RSRC1: variants seen among roughly 807,000 people sequenced by gnomAD.
The protein encoded by RSRC1 is arginine and serine rich coiled-coil 1, also known as serine/Arginine-related protein 53.
A neutral mutation model predicts 49.1 loss-of-function variants in RSRC1; 39 were observed. The observed-to-expected ratio is 0.79, with a 90% CI of 0.61 to 1.04. RSRC1 has a LOEUF of 1.04. Among genes scored for constraint, RSRC1 ranks in the 50% least tolerant of loss-of-function variants. The pLI, the probability that RSRC1 is intolerant of heterozygous loss-of-function variation, is 0.00. For synonymous variants in RSRC1, 143 were observed against 130.8 expected, an observed-to-expected ratio of 1.09 and a Z score of -0.63; for missense variants, 388 against 402.4, an observed-to-expected ratio of 0.96 and a Z score of 0.31.
At chr3:158,445,617 A>G (rs981265770) in intron 6 of RSRC1, among the ~76,000 whole-genome samples, 2 of 152,118 alleles carry the variant, frequency 1.3e-5, no homozygotes, top group Non-Finnish European at 2.9e-5. Flanking sequence ...ACAAACCTGC[A>G]TGTTGTGCAC....
chr3:158,149,586 G>T (rs538993769), intron 3 of RSRC1, among the ~76,000 whole-genome samples: 9 of 152,100 alleles, frequency 5.9e-5, no homozygotes, highest in Non-Finnish European at 1.0e-4. Context: ...GTATTTGAGG[G>T]TAAAATATAT....
intron 6 of RSRC1, among the ~76,000 whole-genome samples, chr3:158,453,733 G>T (rs922410356): frequency 1.3e-5 from 2 of 151,810 alleles, no homozygotes; most frequent in African/African-American, 2.4e-5. Context: ...TTAATTCCCC[G>T]CAGAAAATTA....
Position 158,537,211 on chromosome 3 carries a change from C to T in RSRC1, c.759+13C>T, listed in dbSNP as rs1393839908. 4.0e-6 allele frequency: 6 copies of T among 1,498,258 alleles called. No individual in the cohort carries two copies. The highest frequency in any genetic ancestry group is 5.5e-6 in the Non-Finnish European group (6 of 1,100,700). 92.8% of individuals were successfully genotyped at this position (1,498,258 alleles called of 1,614,324 possible). ...AGAAGTCAAAAAGGTAAGTTTTTATCCACCCATTATGAGTAAACCTTTGGA... is the reference window on the plus strand; with the variant it reads ...AGAAGTCAAAAAGGTAAGTTTTTATTCACCCATTATGAGTAAACCTTTGGA... On this transcript the variant is annotated intron_variant, in intron 8 of 9. Coordinates refer to ENST00000611884, the MANE Select transcript of RSRC1 (RefSeq NM_001271838.2).
intron 7 of RSRC1, among the ~76,000 whole-genome samples, chr3:158,514,937 A>T (rs1740419075): frequency 6.6e-6 from 1 of 152,138 alleles, no homozygotes; most frequent in Admixed American, 6.5e-5. Flanking sequence ...GTAGGATTGC[A>T]ACCCCTACCT....
At chr3:158,275,883 G>A in intron 4 of RSRC1, 2 of 639,910 alleles carry the variant, frequency 3.1e-6, no homozygotes, top group South Asian at 1.6e-5. Flanking sequence ...ATTGTGTGGT[G>A]GAACTTATGG....
intron 7 of RSRC1, among the ~76,000 whole-genome samples, chr3:158,512,591 G>A (rs958682550): frequency 4.6e-5 from 7 of 151,960 alleles, no homozygotes; most frequent in African/African-American, 1.4e-4. Flanking sequence ...TTGACTTGGC[G>A]ATGCGGGCTC....
intron 7 of RSRC1, among the ~76,000 whole-genome samples, chr3:158,529,774 G>T (rs1254921210): frequency 2.0e-5 from 3 of 151,910 alleles, no homozygotes; most frequent in East Asian, 1.9e-4. Context: ...TTAAAACATG[G>T]TTTCTACCGC....
intron 7 of RSRC1, among the ~76,000 whole-genome samples, chr3:158,480,240 A>G (rs1428485369): frequency 6.6e-6 from 1 of 152,082 alleles, no homozygotes; most frequent in Non-Finnish European, 1.5e-5. Flanking sequence ...AGCAATTATT[A>G]TGGAAGAATA....
At chr3:158,413,716 G>A (rs544312937) in intron 6 of RSRC1, among the ~76,000 whole-genome samples, 2 of 152,068 alleles carry the variant, frequency 1.3e-5, no homozygotes, top group East Asian at 3.9e-4. Flanking sequence ...CATTTATGTG[G>A]CCAAAAAACA....
intron 4 of RSRC1, among the ~76,000 whole-genome samples, chr3:158,294,977 G>A (rs1727155259): frequency 6.6e-6 from 1 of 152,144 alleles, no homozygotes; most frequent in Non-Finnish European, 1.5e-5. Flanking sequence ...TGTATTGGGT[G>A]CTGGAATATA....
At chr3:158,518,219 T>C (rs1023554484) in intron 7 of RSRC1, among the ~76,000 whole-genome samples, 1 of 146,544 alleles carries the variant, frequency 6.8e-6, no homozygotes, top group African/African-American at 2.5e-5. Flanking sequence ...CTGTGACCTT[T>C]TTTGGTACTG....
chr3:158,234,323 A>G (rs1465304329), intron 4 of RSRC1, among the ~76,000 whole-genome samples: 1 of 152,188 alleles, frequency 6.6e-6, no homozygotes, highest in African/African-American at 2.4e-5. Flanking sequence ...GGTTAAACTG[A>G]TAATCAGAAA....
intron 7 of RSRC1, among the ~76,000 whole-genome samples, chr3:158,527,042 C>G (rs1409437784): frequency 6.7e-6 from 1 of 149,722 alleles, no homozygotes; most frequent in Admixed American, 6.7e-5. Context: ...CAGTCATCAC[C>G]GTATCTATAT....
In RSRC1 at chr3:158,298,068, A is replaced by T; in HGVS notation, c.524A>T (p.Glu175Val). ...GESGNIKAGL[E>V]HLPPAEQAKA... ...TCTGGAAACATCAAAGCTGGATTAG[A>T]ACATCTGGTAAGTTCTCATTTTCTC... is the stretch of plus-strand genomic sequence containing the variant. The change falls in exon 5 of 10, where the codon GAA becomes GTA. Residue 175 changes from glutamate to valine, a missense_variant. Physicochemically the swap from Glu to Val is moderately radical, Grantham distance 121. Transcript: ENST00000611884. 1 of 1,604,228 alleles carries T rather than the reference A, an allele frequency of 6.2e-7. No homozygotes were observed. The highest frequency in any genetic ancestry group is 8.5e-7 in the Non-Finnish European group (1 of 1,171,778).
Position 158,169,446 on chromosome 3 carries a change from C to T in RSRC1, c.321-33626C>T, listed in dbSNP as rs913787007. On this transcript the variant is annotated intron_variant, in intron 3 of 9. Coordinates refer to ENST00000611884, the MANE Select transcript of RSRC1 (RefSeq NM_001271838.2). ...GGAAGTGTTTGCTTCTGGCTTCTGG[C>T]CAGAAGCTATATCTCCTAGCCTGTT... Among the ~76,000 whole-genome samples the T allele has an allele frequency of 4.6e-5, 7 of 152,090 alleles. No individual in the cohort carries two copies. The South Asian group carries it at 1.5e-3, about 32-fold the overall frequency.
chr3:158,364,248 G>A (rs1345223788), intron 6 of RSRC1, among the ~76,000 whole-genome samples: 1 of 152,092 alleles, frequency 6.6e-6, no homozygotes, highest in Non-Finnish European at 1.5e-5. Context: ...GCTTTACCCT[G>A]ATCTAAAGCT....
At chr3:158,365,957 A>G (rs528365518) in intron 6 of RSRC1, among the ~76,000 whole-genome samples, 1 of 152,262 alleles carries the variant, frequency 6.6e-6, no homozygotes, top group African/African-American at 2.4e-5. Flanking sequence ...TCTTTTGAGA[A>G]GTGTCTGTTC....
chr3:158,152,229 C>A (rs2108213209), intron 3 of RSRC1, among the ~76,000 whole-genome samples: 1 of 152,132 alleles, frequency 6.6e-6, no homozygotes, highest in East Asian at 1.9e-4. Context: ...TTTAGGGAAT[C>A]ATAATATTAA....
rs77998016 is a variant in RSRC1, at chr3:158,428,385, T to C, written c.584-32550T>C. ...AGGGCACTACTCTTAGGAAACAGAATGCTGGTGAAGAGCAGAACCGTTCTG... is the reference window on the plus strand; with the variant it reads ...AGGGCACTACTCTTAGGAAACAGAACGCTGGTGAAGAGCAGAACCGTTCTG... On this transcript the variant is annotated intron_variant, in intron 6 of 9. Coordinates refer to ENST00000611884, the MANE Select transcript of RSRC1 (RefSeq NM_001271838.2). Among the ~76,000 whole-genome samples, 4 of 152,004 alleles carry C rather than the reference T, an allele frequency of 2.6e-5. No individual in the cohort carries two copies. In the East Asian group the frequency reaches 7.8e-4, roughly 30 times the overall value.
Sources: allele counts gnomAD v4.1 joint callset (sites outside exome capture counted in the v4.1 genomes callset), GRCh38; gene constraint gnomAD v4.1.1; transcripts MANE v1.5; gene names NCBI Gene and HGNC (gene_info 2026-07-23, HGNC 2026-07-21).